Variants in NRXN1 observed in about 807,000 individuals in gnomAD.
NRXN1 encodes neurexin-1.
NRXN1 carries 39 observed loss-of-function variants against 150.9 expected under a neutral mutation model. The observed-to-expected ratio is 0.26, with a 90% confidence interval of 0.20 to 0.34. NRXN1 has a LOEUF of 0.34. Ranked by LOEUF, NRXN1 falls within the 10% of genes least tolerant of loss-of-function variation. The pLI is 1.00. For synonymous variants in NRXN1, 924 were observed against 757.0 expected, an observed-to-expected ratio of 1.22 and a Z score of -3.62; for missense variants, 1,815 against 1,949.9, an observed-to-expected ratio of 0.93 and a Z score of 1.30.
intron 17 of NRXN1, among the ~76,000 whole-genome samples, chr2:50,390,878 T>C (rs964098592): frequency 6.6e-6 from 1 of 152,078 alleles, no homozygotes; most frequent in Non-Finnish European, 1.5e-5. Flanking sequence ...CTTTATAAAT[T>C]ATACAATCTG....
chr2:50,006,579 C>T (rs1464561635), intron 21 of NRXN1, among the ~76,000 whole-genome samples: 2 of 152,164 alleles, frequency 1.3e-5, no homozygotes, highest in Non-Finnish European at 2.9e-5. Flanking sequence ...TGTATGAATT[C>T]TCTCCTTTGA....
chr2:50,264,617 G>T (rs1484441964), intron 17 of NRXN1, among the ~76,000 whole-genome samples: 1 of 151,958 alleles, frequency 6.6e-6, no homozygotes, highest in East Asian at 1.9e-4. Context: ...TGAGAAGTAG[G>T]CTGTCATGTT....
intron 18 of NRXN1, among the ~76,000 whole-genome samples, chr2:50,124,807 A>G (rs1214123306): frequency 6.6e-6 from 1 of 152,162 alleles, no homozygotes; most frequent in Non-Finnish European, 1.5e-5. Flanking sequence ...TTTAAAATAT[A>G]TCTTTTCTTC....
intron 17 of NRXN1, among the ~76,000 whole-genome samples, chr2:50,239,703 T>TATATATAC (rs2065828982): frequency 1.9e-5 from 2 of 106,256 alleles, no homozygotes; most frequent in Admixed American, 1.8e-4. Flanking sequence ...TATATATATA[T>TATATATAC]ATATATATAT....
intron 21 of NRXN1, among the ~76,000 whole-genome samples, chr2:50,045,747 C>G (rs1171576098): frequency 6.6e-6 from 1 of 152,202 alleles, no homozygotes; most frequent in Admixed American, 6.5e-5. Context: ...TGTCCTACCA[C>G]TGAGACTAGA....
At chr2:50,764,137 A>G (rs1191403792) in intron 5 of NRXN1, among the ~76,000 whole-genome samples, 1 of 151,830 alleles carries the variant, frequency 6.6e-6, no homozygotes. Context: ...TATAGGCAAA[A>G]GCCCCTGTAG....
At chr2:50,671,873 T>C (rs1014820682) in intron 5 of NRXN1, among the ~76,000 whole-genome samples, 1 of 151,906 alleles carries the variant, frequency 6.6e-6, no homozygotes, top group Non-Finnish European at 1.5e-5. Flanking sequence ...GTGTTTATGA[T>C]AGGGACAAAC....
chr2:50,770,332 A>T (rs2105444800), intron 5 of NRXN1, among the ~76,000 whole-genome samples: 1 of 151,736 alleles, frequency 6.6e-6, no homozygotes, highest in Admixed American at 6.6e-5. Context: ...TATATTTTAT[A>T]TATATATATA....
intron 5 of NRXN1, among the ~76,000 whole-genome samples, chr2:50,663,454 A>G (rs536244611): frequency 3.9e-5 from 6 of 152,008 alleles, no homozygotes; most frequent in Middle Eastern, 3.2e-3. Flanking sequence ...TCTGGTAACA[A>G]ACTGCCTATT....
At chr2:49,928,207 G>A (rs75081763) in intron 22 of NRXN1, among the ~76,000 whole-genome samples, 2,521 of 150,650 alleles carry the variant, frequency 0.017, 63 homozygotes, top group African/African-American at 0.057. Flanking sequence ...TGCCCAGCAC[G>A]CATCATTCTG....
At chr2:50,600,674 T>C (rs1265061239) in intron 8 of NRXN1, among the ~76,000 whole-genome samples, 1 of 152,112 alleles carries the variant, frequency 6.6e-6, no homozygotes, top group East Asian at 1.9e-4. Flanking sequence ...AAAAGACCTG[T>C]TTTATGGACC....
intron 18 of NRXN1, among the ~76,000 whole-genome samples, chr2:50,119,283 A>T (rs1265635036): frequency 6.6e-6 from 1 of 152,148 alleles, no homozygotes; most frequent in African/African-American, 2.4e-5. Flanking sequence ...AAAAGAATGT[A>T]AACAATAGAA....
At chr2:50,382,110 G>T (rs934473693) in intron 17 of NRXN1, among the ~76,000 whole-genome samples, 2 of 143,534 alleles carry the variant, frequency 1.4e-5, no homozygotes, top group Non-Finnish European at 3.1e-5. Context: ...AAAGGAAGTT[G>T]TAAGAAAGAC....
intron 5 of NRXN1, among the ~76,000 whole-genome samples, chr2:50,782,370 T>A (rs1704468698): frequency 1.3e-5 from 2 of 151,954 alleles, no homozygotes; most frequent in Non-Finnish European, 2.9e-5. Flanking sequence ...CTCGGGAGGC[T>A]GAGGCAGGAG....
intron 5 of NRXN1, among the ~76,000 whole-genome samples, chr2:50,644,662 T>C (rs1369518645): frequency 6.6e-6 from 1 of 151,458 alleles, no homozygotes; most frequent in Non-Finnish European, 1.5e-5. Flanking sequence ...TAAAAGAAAA[T>C]TATTCACTAT....
At chr2:50,366,886 C>T (rs534091214) in intron 17 of NRXN1, among the ~76,000 whole-genome samples, 26 of 152,082 alleles carry the variant, frequency 1.7e-4, no homozygotes, top group Non-Finnish European at 3.2e-4. Context: ...CTTTGGACTT[C>T]TTATTCAATT....
At chr2:50,081,777 T>C (rs1220911058) in intron 19 of NRXN1, among the ~76,000 whole-genome samples, 1 of 152,086 alleles carries the variant, frequency 6.6e-6, no homozygotes, top group East Asian at 1.9e-4. Context: ...AATATATAAA[T>C]AAATATGTCT....
In NRXN1 at chr2:50,723,869, T is replaced by C. The variant is rs142803120; in HGVS notation, c.833-100254A>G. On this transcript the variant is annotated intron_variant, in intron 5 of 22. Transcript: ENST00000401669. ...TGTTTGTGTGCGTGTGTGTGTTTCC[T>C]AGTGTGCACTGAAAAACATCCTAAT... 2.0e-3 allele frequency among the ~76,000 whole-genome samples: 308 copies of C among 152,330 alleles called. 2 individuals are homozygous for C. The highest frequency in any genetic ancestry group is 0.018 in the South Asian group (89 of 4,824).
intron 5 of NRXN1, among the ~76,000 whole-genome samples, chr2:50,754,700 C>A (rs925429851): frequency 1.3e-5 from 2 of 151,830 alleles, no homozygotes; most frequent in African/African-American, 4.8e-5. Flanking sequence ...TGAAAACCTT[C>A]GCCAGTAAAT....
Sources: allele counts gnomAD v4.1 joint callset (sites outside exome capture counted in the v4.1 genomes callset), GRCh38; gene constraint gnomAD v4.1.1; transcripts MANE v1.5; gene names NCBI Gene and HGNC (gene_info 2026-07-23, HGNC 2026-07-21).